Variants in GAB4 observed in about 807,000 individuals in gnomAD.
The protein encoded by GAB4 is GRB2-associated-binding protein 4.
GAB4 carries 26 observed loss-of-function variants against 51.3 expected under a neutral mutation model. The ratio of observed to expected loss-of-function variants is 0.51; its 90% CI spans 0.37 to 0.70. The LOEUF is 0.70. GAB4 is among the 30% of genes least tolerant of loss of function. GAB4 has a pLI of 0.00. For synonymous variants in GAB4, 329 were observed against 291.2 expected (o/e 1.13, Z -1.32); for missense variants, 759 against 734.6 (o/e 1.03, Z -0.38).
At chr22:16,965,108 C>G (rs778205294) in intron 7 of GAB4, 70 bp downstream of exon 7, 81 of 1,171,508 alleles carry the variant, frequency 6.9e-5, no homozygotes, top group Admixed American at 1.7e-4. Context: ...TGACCACAAG[C>G]CAATGACCAT....
chr22:16,965,165 G>C lies in GAB4; in HGVS notation c.1379+13C>G. ...CCGGTCCCAAGCTCCTGTTTCCACT[G>C]ACAGACACTCACCTGGTCCCAGACC... On this transcript the variant is annotated intron_variant, in intron 7 of 9. Coordinates refer to ENST00000400588, the MANE Select transcript of GAB4 (RefSeq NM_001037814.1). 6.2e-7 allele frequency: 1 copy of C among 1,601,760 alleles called. No individual in the cohort carries two copies. Among genetic ancestry groups the C allele is most frequent in the Non-Finnish European group, 8.5e-7 (1 of 1,171,578 alleles).
Position 16,962,880 on chromosome 22 carries a change from A to C in GAB4, c.1582-4T>G, listed in dbSNP as rs2060640472. On this transcript the variant is annotated splice_region_variant and splice_polypyrimidine_tract_variant and intron_variant, in intron 9 of 9. Transcript: ENST00000400588. ...ACGTGACAGAGCCTATGGATGGCTG[A>C]GGGACAGAGGGTGGAAGTGGGAGTG... The C allele has an allele frequency of 1.9e-6, 3 of 1,610,406 alleles. No homozygotes were observed. The highest frequency in any genetic ancestry group is 2.5e-6 in the Non-Finnish European group (3 of 1,177,658).
At chr22:17,005,989 A>T (rs1162772697) in intron 1 of GAB4, among the ~76,000 whole-genome samples, 1 of 152,272 alleles carries the variant, frequency 6.6e-6, no homozygotes, top group East Asian at 1.9e-4. Flanking sequence ...AAACATGAAA[A>T]GCAATGGTAA....
chr22:16,985,425 C>T (rs1369994814), intron 3 of GAB4, among the ~76,000 whole-genome samples: 1 of 152,332 alleles, frequency 6.6e-6, no homozygotes, highest in Non-Finnish European at 1.5e-5. Context: ...AATTGAATCT[C>T]AGTTCTTTCA....
intron 7 of GAB4, 49 bp from the exon 8 acceptor site, chr22:16,964,911 T>A: frequency 7.0e-7 from 1 of 1,433,018 alleles, no homozygotes; most frequent in Non-Finnish European, 9.8e-7. Flanking sequence ...GGCTCAGGGC[T>A]GCTGTCAGGG....
At chr22:17,004,222 G>A (rs566198646) in intron 1 of GAB4, among the ~76,000 whole-genome samples, 14 of 152,236 alleles carry the variant, frequency 9.2e-5, no homozygotes, top group African/African-American at 1.9e-4. Flanking sequence ...GGACCAGACC[G>A]ATTCACAGCC....
intron 6 of GAB4, among the ~76,000 whole-genome samples, 163 bp downstream of exon 6, chr22:16,965,937 G>A (rs948563038): frequency 6.6e-6 from 1 of 152,200 alleles, no homozygotes; most frequent in African/African-American, 2.4e-5. Flanking sequence ...ACAAACCCGG[G>A]AAGTAGGAGT....
chr22:17,002,594 C>T (rs1014300124), intron 1 of GAB4, among the ~76,000 whole-genome samples: 1 of 151,634 alleles, frequency 6.6e-6, no homozygotes, highest in Admixed American at 6.6e-5. Flanking sequence ...ACAATATTAA[C>T]CTTATGTTCT....
intron 1 of GAB4, among the ~76,000 whole-genome samples, chr22:17,002,685 G>A (rs2061007241): frequency 6.6e-6 from 1 of 152,062 alleles, no homozygotes; most frequent in Non-Finnish European, 1.5e-5. Context: ...GTTGTTGGGG[G>A]CGAGGGGGGA....
chr22:17,005,556 C>G (rs990009973), intron 1 of GAB4, among the ~76,000 whole-genome samples: 6 of 152,156 alleles, frequency 3.9e-5, no homozygotes, highest in African/African-American at 1.2e-4. Context: ...CAATCCTAAG[C>G]AAAAATAACA....
chr22:16,990,218 T>A (rs2060902913), intron 2 of GAB4, among the ~76,000 whole-genome samples: 1 of 152,226 alleles, frequency 6.6e-6, no homozygotes, highest in South Asian at 2.1e-4. Flanking sequence ...TATTTCTGTT[T>A]ATTTCTTCAA....
At position 16,976,370 on chromosome 22, in the gene GAB4, A is replaced by T. The variant is rs1252789963; in HGVS notation, c.687-6177T>A. On this transcript the variant is annotated intron_variant, in intron 3 of 9. Coordinates refer to ENST00000400588, the MANE Select transcript of GAB4 (RefSeq NM_001037814.1). ...AACACAGCATGAGAACTTCATGAAG[A>T]ATACACAAGTATCAACAGACAAGTC... 2.0e-5 allele frequency among the ~76,000 whole-genome samples: 3 copies of T among 152,348 alleles called. No individual in the cohort carries two copies. In the South Asian group the frequency reaches 6.2e-4, roughly 32 times the overall value.
At chr22:16,979,974 T>G (rs2060813323) in intron 3 of GAB4, among the ~76,000 whole-genome samples, 1 of 152,200 alleles carries the variant, frequency 6.6e-6, no homozygotes, top group Non-Finnish European at 1.5e-5. Context: ...GAACTGAAAC[T>G]GGACCGCTTC....
At chr22:16,964,984 A>C in intron 7 of GAB4, 122 bp from the exon 8 acceptor site, 1 of 792,106 alleles carries the variant, frequency 1.3e-6, no homozygotes, top group Non-Finnish European at 2.1e-6. Context: ...CCAGATCAAG[A>C]ACTGATAGGG....
Position 16,962,777 on chromosome 22 carries a change from A to G in GAB4, c.1681T>C (p.Cys561Arg), listed in dbSNP as rs770440949. Residue 561 changes from cysteine to arginine, a missense_variant, in exon 10 of 10, where the codon TGC becomes CGC. Cys to Arg is a radical substitution (Grantham distance 180, BLOSUM62 -3). Transcript: ENST00000400588. ...ALQKTMHEQM[C>R]LRQSSEPPRG... Reference sequence around the variant, plus strand: ...GGAGGCTCTGAGGACTGCCGCAGGCACATCTGTTCATGCATGGTCTTCTGC... The same window carrying G: ...GGAGGCTCTGAGGACTGCCGCAGGCGCATCTGTTCATGCATGGTCTTCTGC... The G allele has an allele frequency of 1.2e-6, 2 of 1,613,440 alleles. No homozygotes were observed. The highest frequency in any genetic ancestry group is 1.3e-5 in the African/African-American group (1 of 74,924).
intron 1 of GAB4, among the ~76,000 whole-genome samples, chr22:17,000,289 G>C (rs1411697854): frequency 1.3e-5 from 2 of 152,126 alleles, no homozygotes; most frequent in Non-Finnish European, 2.9e-5. Context: ...TCTCTTTCTA[G>C]GTCTCTAAGT....
intron 1 of GAB4, among the ~76,000 whole-genome samples, chr22:16,998,151 C>A (rs895192776): frequency 4.6e-5 from 7 of 152,236 alleles, no homozygotes; most frequent in Non-Finnish European, 8.8e-5. Context: ...TCCATATGAA[C>A]TTTAAAGTAG....
intron 2 of GAB4, among the ~76,000 whole-genome samples, chr22:16,990,385 G>A (rs1363920596): frequency 6.6e-6 from 1 of 152,156 alleles, no homozygotes; most frequent in Non-Finnish European, 1.5e-5. Context: ...AGCCCAGTGT[G>A]TAACACAGTA....
Position 16,965,249 on chromosome 22 carries a change from G to A in GAB4, c.1308C>T (p.Asn436=). Reference sequence around the variant, plus strand: ...CATTGATGACCCTGTTGTTTCTCAGGTTGGGCGGTGTTGGGTTGGCTGGAG... The same window carrying A: ...CATTGATGACCCTGTTGTTTCTCAGATTGGGCGGTGTTGGGTTGGCTGGAG... ...PNQKANPTPP[N]LRNNRVINEL... Residue 436 remains asparagine, a synonymous_variant, in exon 7 of 10, where the codon AAC becomes AAT. Coordinates refer to ENST00000400588, the MANE Select transcript of GAB4 (RefSeq NM_001037814.1). 2 of 1,614,016 alleles carry A rather than the reference G, an allele frequency of 1.2e-6. No homozygotes were observed. Among genetic ancestry groups the A allele is most frequent in the Non-Finnish European group, 1.7e-6 (2 of 1,179,932 alleles).
Sources: allele counts gnomAD v4.1 joint callset (sites outside exome capture counted in the v4.1 genomes callset), GRCh38; gene constraint gnomAD v4.1.1; transcripts MANE v1.5; gene names NCBI Gene and HGNC (gene_info 2026-07-23, HGNC 2026-07-21).